TMEM135: variants seen among roughly 807,000 people sequenced by gnomAD.
The protein encoded by TMEM135 is transmembrane protein 135.
Under a neutral mutation model 60.3 loss-of-function variants are expected in TMEM135, and 30 were observed. The observed-to-expected ratio is 0.50, with a 90% CI of 0.37 to 0.68. The LOEUF is 0.68. Ranked by LOEUF, TMEM135 falls within the 30% of genes least tolerant of loss-of-function variation. The pLI, the probability that TMEM135 is intolerant of heterozygous loss-of-function variation, is 0.00. For synonymous variants in TMEM135, 190 were observed against 186.7 expected, an observed-to-expected ratio of 1.02 and a Z score of -0.14; for missense variants, 468 against 548.8, an observed-to-expected ratio of 0.85 and a Z score of 1.47.
chr11:87,192,085 G>A (rs1048783780), intron 5 of TMEM135, among the ~76,000 whole-genome samples: 2 of 144,938 alleles, frequency 1.4e-5, no homozygotes, highest in African/African-American at 2.5e-5. Context: ...GGGATCAAGC[G>A]ATCCCCCTGC....
intron 5 of TMEM135, among the ~76,000 whole-genome samples, chr11:87,224,566 G>A (rs903922609): frequency 6.6e-6 from 1 of 152,130 alleles, no homozygotes; most frequent in Non-Finnish European, 1.5e-5. Flanking sequence ...CTTACTTGAG[G>A]TTAATGGGAA....
chr11:87,254,769 T>C (rs1454380916), intron 6 of TMEM135, among the ~76,000 whole-genome samples: 1 of 152,104 alleles, frequency 6.6e-6, no homozygotes, highest in Non-Finnish European at 1.5e-5. Flanking sequence ...TATTTGGAGC[T>C]AGAGTTCAGT....
At chr11:87,313,569 C>A in intron 11 of TMEM135, 81 bp downstream of exon 11, 1 of 1,174,414 alleles carries the variant, frequency 8.5e-7, no homozygotes. Flanking sequence ...CCAATTCATC[C>A]AATTTCTATG....
chr11:87,260,775 T>A (rs771457383), intron 6 of TMEM135, among the ~76,000 whole-genome samples: 2 of 152,116 alleles, frequency 1.3e-5, no homozygotes, highest in Non-Finnish European at 2.9e-5. Context: ...TATTGATTCC[T>A]AATGTGCAGT....
At chr11:87,134,080 C>T (rs992164734) in intron 4 of TMEM135, among the ~76,000 whole-genome samples, 6 of 151,832 alleles carry the variant, frequency 4.0e-5, no homozygotes, top group Non-Finnish European at 7.4e-5. Context: ...TAACAAGTAA[C>T]ACAGACTGTG....
chr11:87,262,359 G>C (rs77610870), intron 6 of TMEM135, among the ~76,000 whole-genome samples: 2 of 152,044 alleles, frequency 1.3e-5, no homozygotes, highest in Non-Finnish European at 2.9e-5. Context: ...ATGTATTTTC[G>C]CTCCAAGAGT....
chr11:87,172,047 C>T (rs1215423946), intron 5 of TMEM135, among the ~76,000 whole-genome samples: 1 of 152,028 alleles, frequency 6.6e-6, no homozygotes, highest in Non-Finnish European at 1.5e-5. Flanking sequence ...GTTGGGAACC[C>T]CTGTGCTTAA....
intron 6 of TMEM135, among the ~76,000 whole-genome samples, chr11:87,254,781 T>TG (rs914968920): frequency 6.6e-6 from 1 of 152,048 alleles, no homozygotes; most frequent in Non-Finnish European, 1.5e-5. Context: ...GAGTTCAGTG[T>TG]GTGGGTGGAT....
At chr11:87,201,921 A>G (rs745879051) in intron 5 of TMEM135, among the ~76,000 whole-genome samples, 35 of 150,964 alleles carry the variant, frequency 2.3e-4, no homozygotes, top group Non-Finnish European at 3.3e-4. Flanking sequence ...ACACATACAC[A>G]TATATGCATT....
At chr11:87,287,312 G>T (rs1942184338) in intron 6 of TMEM135, among the ~76,000 whole-genome samples, 1 of 152,182 alleles carries the variant, frequency 6.6e-6, no homozygotes, top group South Asian at 2.1e-4. Flanking sequence ...AATATTTAAT[G>T]AATATTTGAG....
chr11:87,217,269 T>TG (rs1165695478), intron 5 of TMEM135, among the ~76,000 whole-genome samples: 1 of 152,174 alleles, frequency 6.6e-6, no homozygotes, highest in Non-Finnish European at 1.5e-5. Context: ...CCTTGACCAT[T>TG]GGGTATACAG....
At chr11:87,300,270 T>A (rs2135438324) in intron 7 of TMEM135, among the ~76,000 whole-genome samples, 1 of 152,332 alleles carries the variant, frequency 6.6e-6, no homozygotes, top group East Asian at 1.9e-4. Context: ...GTATGTAGGA[T>A]GATTTGAAAA....
chr11:87,282,520 C>T (rs1025097071), intron 6 of TMEM135, among the ~76,000 whole-genome samples: 1 of 152,208 alleles, frequency 6.6e-6, no homozygotes, highest in African/African-American at 2.4e-5. Flanking sequence ...CTCGCCTCGA[C>T]CTCCCAAAGT....
intron 4 of TMEM135, among the ~76,000 whole-genome samples, chr11:87,112,186 A>C (rs895348532): frequency 6.6e-6 from 1 of 152,344 alleles, no homozygotes; most frequent in Middle Eastern, 3.4e-3. Flanking sequence ...AGGCAGCCTC[A>C]GCATGGATAT....
chr11:87,120,430 A>T (rs1268672444), intron 4 of TMEM135, among the ~76,000 whole-genome samples: 19 of 144,566 alleles, frequency 1.3e-4, no homozygotes, highest in Admixed American at 1.1e-3. Flanking sequence ...TATCATGGGG[A>T]TATATTACTT....
chr11:87,163,721 A>T (rs1938956223), intron 5 of TMEM135, among the ~76,000 whole-genome samples: 1 of 148,512 alleles, frequency 6.7e-6, no homozygotes, highest in Non-Finnish European at 1.5e-5. Context: ...CTTTTTAATG[A>T]TTGCCATTCT....
chr11:87,047,362 C>T (rs1012221078), intron 1 of TMEM135, among the ~76,000 whole-genome samples: 13 of 151,888 alleles, frequency 8.6e-5, no homozygotes, highest in South Asian at 6.2e-4. Context: ...CCAGCGTGAG[C>T]GACGCAGAAG....
chr11:87,260,611 C>T (rs563040783), intron 6 of TMEM135, among the ~76,000 whole-genome samples: 3 of 151,916 alleles, frequency 2.0e-5, no homozygotes, highest in South Asian at 2.1e-4. Flanking sequence ...TGAGTAAATG[C>T]GAGTTAGACT....
At chr11:87,195,311 CTCTTTCCTTCCT>C (rs1391412132) in intron 5 of TMEM135, among the ~76,000 whole-genome samples, 2,190 of 137,966 alleles carry the variant, frequency 0.016, 102 homozygotes, top group East Asian at 0.037. Flanking sequence ...CTCTTTCTTT[CTCTTTCCTTCCT>C]TCCTTCCTTC....
Sources: gnomAD v4.1 joint callset for allele counts (sites outside exome capture counted in the v4.1 genomes callset) on GRCh38, gnomAD v4.1.1 for gene constraint, MANE v1.5 for transcripts, NCBI Gene and HGNC (gene_info 2026-07-23, HGNC 2026-07-21) for gene names.